Variants in DGKB observed in about 807,000 individuals in gnomAD.
The protein encoded by DGKB is diacylglycerol kinase beta.
Under a neutral mutation model 114.3 loss-of-function variants are expected in DGKB, and 67 were observed. That is an observed-to-expected ratio of 0.59 (90% CI 0.48 to 0.72). The LOEUF (loss-of-function observed/expected upper bound fraction) is 0.72. DGKB is among the 30% of genes least tolerant of loss of function. DGKB has a pLI of 0.00. For synonymous variants in DGKB, 398 were observed against 323.1 expected (o/e 1.23, Z -2.49); for missense variants, 907 against 975.2 (o/e 0.93, Z 0.93).
chr7:14,646,130 C>T (rs776975205), intron 13 of DGKB, among the ~76,000 whole-genome samples: 4 of 152,138 alleles, frequency 2.6e-5, no homozygotes, highest in African/African-American at 9.7e-5. Context: ...AAAAATCTCA[C>T]TTCACTTGCA....
intron 2 of DGKB, among the ~76,000 whole-genome samples, chr7:14,804,909 T>C (rs944554036): frequency 2.0e-4 from 31 of 152,100 alleles, no homozygotes; most frequent in African/African-American, 7.2e-4. Flanking sequence ...ATTGCTGTTA[T>C]CTATTTATAT....
At chr7:14,464,029 C>CT (rs78829041) in intron 21 of DGKB, among the ~76,000 whole-genome samples, 88 of 142,916 alleles carry the variant, frequency 6.2e-4, no homozygotes, top group Middle Eastern at 3.7e-3. Context: ...GGTAACCAAG[C>CT]TTTTTTTTTT....
chr7:14,707,724 T>C (rs1261077278), intron 6 of DGKB, among the ~76,000 whole-genome samples: 5 of 49,820 alleles, frequency 1.0e-4, no homozygotes, highest in Admixed American at 2.8e-4. Flanking sequence ...AACCACATGA[T>C]TATCTCAATA....
At chr7:14,855,704 C>G (rs1850049785) in intron 1 of DGKB, among the ~76,000 whole-genome samples, 1 of 152,062 alleles carries the variant, frequency 6.6e-6, no homozygotes, top group Non-Finnish European at 1.5e-5. Flanking sequence ...TTGGAAAGCC[C>G]AGATTCTTTT....
At chr7:14,231,730 T>G (rs1791891250) in intron 23 of DGKB, among the ~76,000 whole-genome samples, 1 of 152,034 alleles carries the variant, frequency 6.6e-6, no homozygotes, top group Non-Finnish European at 1.5e-5. Flanking sequence ...TACTGTGTTC[T>G]ATTCCCTAAT....
At chr7:14,864,070 C>G (rs927203761) in intron 1 of DGKB, among the ~76,000 whole-genome samples, 14 of 146,136 alleles carry the variant, frequency 9.6e-5, no homozygotes, top group African/African-American at 3.6e-4. Flanking sequence ...TTGCACTCTC[C>G]AGTCTGGGCA....
chr7:14,454,016 T>C (rs1034835073), intron 21 of DGKB, among the ~76,000 whole-genome samples: 2 of 152,144 alleles, frequency 1.3e-5, no homozygotes, highest in African/African-American at 4.8e-5. Flanking sequence ...TTATATCTTA[T>C]TGATATATCA....
At chr7:14,927,143 G>A (rs1366675602) in intron 1 of DGKB, among the ~76,000 whole-genome samples, 2 of 147,756 alleles carry the variant, frequency 1.4e-5, no homozygotes, top group East Asian at 1.9e-4. Context: ...GTGGTTGGCT[G>A]GTAGATACTT....
chr7:14,421,516 T>C (rs553671601), intron 21 of DGKB, among the ~76,000 whole-genome samples: 1 of 152,268 alleles, frequency 6.6e-6, no homozygotes, highest in African/African-American at 2.4e-5. Flanking sequence ...ATAATATCTA[T>C]TCTAAAACAA....
chr7:14,896,183 C>A (rs1021452051), intron 1 of DGKB, among the ~76,000 whole-genome samples: 8 of 151,502 alleles, frequency 5.3e-5, no homozygotes, highest in African/African-American at 1.5e-4. Flanking sequence ...ACAGAATATC[C>A]TTTTGTATAT....
intron 6 of DGKB, among the ~76,000 whole-genome samples, chr7:14,716,383 G>A (rs1257927708): frequency 2.6e-5 from 4 of 152,112 alleles, no homozygotes; most frequent in Non-Finnish European, 4.4e-5. Context: ...ATTTCTTTCT[G>A]CTTAGCTACC....
chr7:14,557,814 C>T (rs1033669826), intron 20 of DGKB, among the ~76,000 whole-genome samples: 1 of 151,332 alleles, frequency 6.6e-6, no homozygotes, highest in Non-Finnish European at 1.5e-5. Context: ...AAATTTATTT[C>T]ATTGTCATCA....
At chr7:14,643,753 A>T (rs1432708662) in intron 13 of DGKB, among the ~76,000 whole-genome samples, 1 of 152,212 alleles carries the variant, frequency 6.6e-6, no homozygotes, top group Non-Finnish European at 1.5e-5. Context: ...TGGGGCCACC[A>T]CATGTCCATG....
intron 14 of DGKB, among the ~76,000 whole-genome samples, chr7:14,624,434 T>C (rs1312501214): frequency 6.6e-6 from 1 of 152,206 alleles, no homozygotes; most frequent in Non-Finnish European, 1.5e-5. Flanking sequence ...TTAGTTACAA[T>C]GGAACTGGGA....
chr7:14,590,519 C>G (rs1044410816), intron 17 of DGKB, among the ~76,000 whole-genome samples: 1 of 152,042 alleles, frequency 6.6e-6, no homozygotes, highest in Admixed American at 6.6e-5. Flanking sequence ...CATCCTACCC[C>G]CAAACATAAA....
At chr7:14,540,539 C>G (rs1793254770) in intron 20 of DGKB, among the ~76,000 whole-genome samples, 1 of 152,142 alleles carries the variant, frequency 6.6e-6, no homozygotes, top group Non-Finnish European at 1.5e-5. Flanking sequence ...TCATACTTTT[C>G]TGTTTTGACT....
rs138632448 is a variant in DGKB at position 14,915,866 on chromosome 7, T to C, written c.-188+58830A>G. On this transcript the variant is annotated intron_variant, in intron 1 of 4. Coordinates refer to the DGKB transcript ENST00000437998. ...GTTCCTCAGAGAGAATAAAAATATATAGTTCAGAAATTTGAATTTATCAAA... is the reference window on the plus strand; with the variant it reads ...GTTCCTCAGAGAGAATAAAAATATACAGTTCAGAAATTTGAATTTATCAAA... 1.7e-3 allele frequency among the ~76,000 whole-genome samples: 260 copies of C among 152,158 alleles called. 3 individuals carry two copies. In the South Asian group the frequency reaches 0.018, roughly 10 times the overall value.
At chr7:14,349,320 G>T (rs922561583) in intron 21 of DGKB, among the ~76,000 whole-genome samples, 6 of 151,904 alleles carry the variant, frequency 3.9e-5, no homozygotes, top group African/African-American at 1.4e-4. Flanking sequence ...AAGAGATATG[G>T]GTTTATATTT....
chr7:14,710,482 T>G (rs1827177564), intron 6 of DGKB, among the ~76,000 whole-genome samples: 2 of 152,114 alleles, frequency 1.3e-5, no homozygotes, highest in Non-Finnish European at 2.9e-5. Flanking sequence ...ATAAACTTCA[T>G]GGATTTTTCT....
Sources: allele counts gnomAD v4.1 joint callset (sites outside exome capture counted in the v4.1 genomes callset), GRCh38; gene constraint gnomAD v4.1.1; transcripts MANE v1.5; gene names NCBI Gene and HGNC (gene_info 2026-07-23, HGNC 2026-07-21).